The following CNTNAP3 variants were observed in gnomAD, a reference collection of about 807,000 sequenced individuals.
CNTNAP3 encodes the protein contactin associated protein family member 3, also known as contactin-associated protein-like 3.
In CNTNAP3, 36 loss-of-function variants were observed where a neutral mutation model predicts 92.1. The ratio of observed to expected loss-of-function variants is 0.39; its 90% CI spans 0.30 to 0.52. CNTNAP3 has a LOEUF of 0.52. Among genes scored for constraint, CNTNAP3 ranks in the 20% least tolerant of loss-of-function variants. CNTNAP3 has a pLI of 0.76. For missense variants in CNTNAP3, 534 were observed against 1,069.6 expected, an observed-to-expected ratio of 0.50 and a Z score of 6.98; for synonymous variants, 232 against 422.3, an observed-to-expected ratio of 0.55 and a Z score of 5.53.
intron 20 of CNTNAP3, 40 bp downstream of exon 20, chr9:39,086,676 A>C: frequency 1.9e-6 from 3 of 1,590,434 alleles, no homozygotes; most frequent in Non-Finnish European, 2.6e-6. Flanking sequence ...TCTTAAAATA[A>C]TAATATTAGT....
rs1346944892 is a variant in CNTNAP3 at position 39,069,848 on chromosome 9, G to T, written c.*4042C>A. Among the ~76,000 whole-genome samples the T allele has an allele frequency of 6.6e-6, 1 of 152,074 alleles. No homozygotes were observed. ...GGAAGAGAAAAGCGTTGGACTCTAT[G>T]ATATTTAATGTCTTTACCAATAGAA... On this transcript the variant is annotated 3_prime_UTR_variant, in exon 24 of 24. Transcript: ENST00000297668.
At chr9:39,146,960 G>A (rs1184789474) in intron 10 of CNTNAP3, among the ~76,000 whole-genome samples, 10 of 152,124 alleles carry the variant, frequency 6.6e-5, no homozygotes, top group African/African-American at 1.4e-4. Flanking sequence ...AATTCCCACC[G>A]TGTCATGGGA....
chr9:39,076,728 G>C (rs1428717764), intron 23 of CNTNAP3, among the ~76,000 whole-genome samples: 732 of 148,492 alleles, frequency 4.9e-3, no homozygotes, highest in African/African-American at 0.018. Context: ...TAGCACTTTG[G>C]GAGGCCAAGG....
Position 39,161,695 on chromosome 9 carries a change from T to TAATAATAAA in CNTNAP3, c.1477+4237_1477+4238insTTTATTATT, listed in dbSNP as rs35637989. 7.6e-3 allele frequency among the ~76,000 whole-genome samples: 973 copies of TAATAATAAA among 127,650 alleles called. 24 individuals carry two copies. Among genetic ancestry groups the TAATAATAAA allele is most frequent in the South Asian group, 0.051 (204 of 4,006 alleles). 83.7% of individuals were successfully genotyped at this position (127,650 alleles called of 152,430 possible). On this transcript the variant is annotated intron_variant, in intron 9 of 23. Coordinates refer to ENST00000297668, the MANE Select transcript of CNTNAP3 (RefSeq NM_033655.5). ...ATAATAATAATAATAATAATAATAATAAATTAGCTGGATGTGGTGGCACGT... is the reference window on the plus strand; with the variant it reads ...ATAATAATAATAATAATAATAATAATAATAATAAAAAATTAGCTGGATGTGGTGGCACGT...
intron 12 of CNTNAP3, among the ~76,000 whole-genome samples, chr9:39,134,286 A>C (rs1033800686): frequency 3.3e-5 from 5 of 152,166 alleles, no homozygotes; most frequent in African/African-American, 1.2e-4. Context: ...AAATTTAAAT[A>C]ATGAATGCAA....
Position 39,069,019 on chromosome 9 carries a change from C to CAT in CNTNAP3, c.*4870_*4871insAT, listed in dbSNP as rs1195995140. On this transcript the variant is annotated 3_prime_UTR_variant, in exon 24 of 24. Transcript: ENST00000297668. The stretch of plus-strand genomic sequence containing the variant: ...ATATATGTAAGTATAAACACACATA[C>CAT]ACATATATATATGTATGTATATAAC... Among the ~76,000 whole-genome samples, 5 of 126,582 alleles carry CAT rather than the reference C, an allele frequency of 4.0e-5. No individual in the cohort carries two copies. Among genetic ancestry groups the CAT allele is most frequent in the Admixed American group, 7.5e-5 (1 of 13,334 alleles). 83.0% of individuals were successfully genotyped at this position (126,582 alleles called of 152,430 possible).
rs961056890 is a variant in CNTNAP3, at chr9:39,073,765, T to G, written c.*125A>C. 280 of 1,592,138 alleles carry G rather than the reference T, an allele frequency of 1.8e-4. No individual in the cohort carries two copies. Among genetic ancestry groups the G allele is most frequent in the Non-Finnish European group, 2.3e-4 (269 of 1,176,334 alleles). Reference sequence around the variant, plus strand: ...CTGCACCTGCTTGTGTGCACCCTGATGGCAACAGCAGGGAAGTCCACAGTC... The same window carrying G: ...CTGCACCTGCTTGTGTGCACCCTGAGGGCAACAGCAGGGAAGTCCACAGTC... On this transcript the variant is annotated 3_prime_UTR_variant, in exon 24 of 24. Coordinates refer to ENST00000297668, the MANE Select transcript of CNTNAP3 (RefSeq NM_033655.5).
intron 23 of CNTNAP3, among the ~76,000 whole-genome samples, chr9:39,077,559 A>AAAAC (rs200606454): frequency 0.49 from 72,327 of 147,522 alleles, 18,274 homozygotes; most frequent in Non-Finnish European, 0.59. Context: ...TCTGTCTCAA[A>AAAAC]AAACAAACAA....
intron 13 of CNTNAP3, among the ~76,000 whole-genome samples, chr9:39,121,119 G>A (rs1340526851): frequency 2.0e-5 from 3 of 150,516 alleles, no homozygotes; most frequent in Admixed American, 6.6e-5. Flanking sequence ...AAAGTTAGAC[G>A]TTGGCAGAAT....
At chr9:39,119,782 G>A (rs1371319313) in intron 13 of CNTNAP3, among the ~76,000 whole-genome samples, 2 of 152,142 alleles carry the variant, frequency 1.3e-5, no homozygotes, top group African/African-American at 4.8e-5. Context: ...AAGGTAGAAA[G>A]AGGAAGCTTA....
chr9:39,095,652 A>G (rs1024035168), intron 18 of CNTNAP3, among the ~76,000 whole-genome samples: 8 of 142,630 alleles, frequency 5.6e-5, no homozygotes, highest in South Asian at 2.3e-4. Context: ...TTGTTGAACC[A>G]CTCCTGAAAT....
intron 21 of CNTNAP3, among the ~76,000 whole-genome samples, chr9:39,079,572 A>G (rs2315733): frequency 1.3e-5 from 2 of 151,958 alleles, no homozygotes; most frequent in Admixed American, 6.6e-5. Context: ...TTTAACTGTT[A>G]ATTTTAAAGC....
intron 12 of CNTNAP3, among the ~76,000 whole-genome samples, chr9:39,138,054 T>TTTG (rs368162294): frequency 4.7e-4 from 66 of 141,290 alleles, no homozygotes; most frequent in African/African-American, 1.4e-3. Context: ...AATGCTGTTT[T>TTTG]TTGTTGTTGT....
In CNTNAP3 at chr9:39,093,619, T is replaced by C. The variant is rs1350233527; in HGVS notation, c.2996-4972A>G. Among the ~76,000 whole-genome samples the C allele has an allele frequency of 2.6e-5, 4 of 151,496 alleles. No individual in the cohort carries two copies. The East Asian group carries it at 7.7e-4, about 29-fold the overall frequency. On this transcript the variant is annotated intron_variant, in intron 18 of 23. Transcript: ENST00000297668. ...ATCTAGTAAACATGGAGTTATATAA[T>C]ATCTGCCCTCTTGGGTCTGGCTTAT...
intron 13 of CNTNAP3, among the ~76,000 whole-genome samples, chr9:39,132,313 G>A (rs1274446871): frequency 2.0e-5 from 3 of 152,120 alleles, no homozygotes; most frequent in Non-Finnish European, 4.4e-5. Flanking sequence ...CTTTAACTTA[G>A]GAGAAGATGG....
At chr9:39,120,003 A>G (rs963997085) in intron 13 of CNTNAP3, among the ~76,000 whole-genome samples, 15 of 152,220 alleles carry the variant, frequency 9.9e-5, no homozygotes, top group African/African-American at 2.7e-4. Flanking sequence ...GAATCTCAAA[A>G]AGAGAGAAGA....
intron 14 of CNTNAP3, among the ~76,000 whole-genome samples, 175 bp from the exon 15 acceptor site, chr9:39,109,462 A>G (rs547520064): frequency 1.3e-5 from 2 of 152,260 alleles, no homozygotes; most frequent in African/African-American, 4.8e-5. Flanking sequence ...GGATGGGCAA[A>G]CATTTTGTGT....
intron 3 of CNTNAP3, among the ~76,000 whole-genome samples, chr9:39,194,781 CTTTTTTTTTTTT>C (rs1170423558): frequency 0.05 from 64 of 1,276 alleles, 26 homozygotes; most frequent in African/African-American, 0.11. Flanking sequence ...ATCATTTCAC[CTTTTTTTTTTTT>C]TTTTTTTTTT....
rs537128559 is a variant in CNTNAP3 at position 39,122,539 on chromosome 9, A to C, written c.2081-4280T>G. Among the ~76,000 whole-genome samples, 4 of 152,370 alleles carry C rather than the reference A, an allele frequency of 2.6e-5. No individual in the cohort carries two copies. In the South Asian group the frequency reaches 8.3e-4, roughly 32 times the overall value. On this transcript the variant is annotated intron_variant, in intron 13 of 23. Transcript: ENST00000297668. ...CTCTGGGAAAACTCAAAACGGAAGA[A>C]AGAAAAATAAAATAACCTTAGAGGA...
Sources: allele counts gnomAD v4.1 joint callset (sites outside exome capture counted in the v4.1 genomes callset), GRCh38; gene constraint gnomAD v4.1.1; transcripts MANE v1.5; gene names NCBI Gene and HGNC (gene_info 2026-07-23, HGNC 2026-07-21).